SUCLG2: variants seen among roughly 807,000 people sequenced by gnomAD.
SUCLG2 encodes succinate--CoA ligase [GDP-forming] subunit beta, mitochondrial.
Under a neutral mutation model 47.9 loss-of-function variants are expected in SUCLG2, and 42 were observed. The observed-to-expected ratio is 0.88, with a 90% CI of 0.69 to 1.14. SUCLG2 has a LOEUF of 1.14. Ranked by LOEUF, SUCLG2 falls within the 50% of genes most tolerant of loss-of-function variation. SUCLG2 has a pLI of 0.00. For missense variants in SUCLG2, 571 were observed against 525.9 expected (o/e 1.09, Z -0.84); for synonymous variants, 195 against 197.3 (o/e 0.99, Z 0.10).
In SUCLG2 at chr3:67,642,565, C is replaced by T. The variant is rs879302999; in HGVS notation, c.84+11938G>A. The stretch of plus-strand genomic sequence containing the variant: ...TTCAAGGATGCAGTGAGCTGTTATA[C>T]GATCTTGCCACTGCACTCCAGCCTG... On this transcript the variant is annotated intron_variant, in intron 1 of 10. Transcript: ENST00000307227. Among the ~76,000 whole-genome samples the T allele has an allele frequency of 4.6e-5, 7 of 152,146 alleles. No individual in the cohort carries two copies. The East Asian group carries it at 5.8e-4, about 13-fold the overall frequency.
intron 2 of SUCLG2, among the ~76,000 whole-genome samples, chr3:67,573,949 C>G (rs1337178616): frequency 6.6e-6 from 1 of 152,170 alleles, no homozygotes; most frequent in Non-Finnish European, 1.5e-5. Flanking sequence ...TATGTAGCAT[C>G]TGTGTCATTG....
At chr3:67,493,927 T>C (rs1048777668) in intron 9 of SUCLG2, among the ~76,000 whole-genome samples, 3 of 152,234 alleles carry the variant, frequency 2.0e-5, no homozygotes, top group African/African-American at 7.2e-5. Flanking sequence ...TTTTTGCGAA[T>C]ACCTTCCTTA....
chr3:67,635,733 C>T (rs1376029), intron 1 of SUCLG2, among the ~76,000 whole-genome samples: 60,907 of 151,848 alleles, frequency 0.4, 13,085 homozygotes, highest in African/African-American at 0.55. Flanking sequence ...GGTTTTCTAC[C>T]GGAGTTTAGC....
chr3:67,444,121 C>T (rs1292353314), intron 9 of SUCLG2, among the ~76,000 whole-genome samples: 27 of 87,616 alleles, frequency 3.1e-4, no homozygotes, highest in Non-Finnish European at 5.8e-4. Context: ...GGGGGTCAGC[C>T]CCCCGCCTGG....
chr3:67,602,747 A>G (rs951106006), intron 2 of SUCLG2, among the ~76,000 whole-genome samples: 11 of 152,256 alleles, frequency 7.2e-5, no homozygotes, highest in Non-Finnish European at 1.3e-4. Context: ...GCAAGTGAAC[A>G]TTTTCTGAAT....
intron 10 of SUCLG2, among the ~76,000 whole-genome samples, chr3:67,399,784 A>T (rs574031732): frequency 1.3e-5 from 2 of 152,346 alleles, no homozygotes; most frequent in Admixed American, 1.3e-4. Context: ...GTTCATCGAG[A>T]TAGTTCCAGA....
chr3:67,545,226 A>T (rs1045194298), intron 2 of SUCLG2, among the ~76,000 whole-genome samples: 1 of 152,190 alleles, frequency 6.6e-6, no homozygotes, highest in Non-Finnish European at 1.5e-5. Context: ...AATGCTAGAG[A>T]TACAGAATTC....
In SUCLG2 at chr3:67,642,935, T is replaced by A. The variant is rs983950858; in HGVS notation, c.84+11568A>T. ...AAAGGACTCTGTGTGTGTGTGTGTG[T>A]GTGTGTGTGTGTGTGTGAGAGAGAT... On this transcript the variant is annotated intron_variant, in intron 1 of 10. Transcript: ENST00000307227. Among the ~76,000 whole-genome samples, 482 of 151,810 alleles carry A rather than the reference T, an allele frequency of 3.2e-3. 1 individual carries two copies. The highest frequency in any genetic ancestry group is 0.011 in the African/African-American group (442 of 41,380).
downstream of SUCLG2, among the ~76,000 whole-genome samples, chr3:67,372,217 T>G (rs761079399): frequency 4.6e-5 from 7 of 152,196 alleles, no homozygotes; most frequent in Non-Finnish European, 8.8e-5. Context: ...AAAGTTTTAC[T>G]GGACAATAGA....
At chr3:67,541,544 T>C (rs1411643344) in intron 2 of SUCLG2, among the ~76,000 whole-genome samples, 1 of 152,178 alleles carries the variant, frequency 6.6e-6, no homozygotes, top group African/African-American at 2.4e-5. Context: ...GTTTGATTGG[T>C]GTACCTGAAA....
intron 1 of SUCLG2, among the ~76,000 whole-genome samples, chr3:67,629,502 A>AG (rs34101788): frequency 2.2e-3 from 337 of 151,194 alleles, no homozygotes; most frequent in Non-Finnish European, 3.7e-3. Context: ...GATATGGGGG[A>AG]GGGGGGGGCG....
chr3:67,466,022 C>T lies in SUCLG2; in HGVS notation c.1062+29776G>A, dbSNP rs543171393. Among the ~76,000 whole-genome samples the T allele has an allele frequency of 4.6e-5, 7 of 152,250 alleles. No individual in the cohort carries two copies. In the South Asian group the frequency reaches 1.5e-3, roughly 32 times the overall value. On this transcript the variant is annotated intron_variant, in intron 9 of 10. Transcript: ENST00000307227. ...ACCAAGCAGTACTCTTTTAATGACACACACAGCCCTTACGTTGTATCTGCT... is the reference window on the plus strand; with the variant it reads ...ACCAAGCAGTACTCTTTTAATGACATACACAGCCCTTACGTTGTATCTGCT...
At chr3:67,374,654 G>T, downstream of SUCLG2, 1 of 628,402 alleles carries the variant, frequency 1.6e-6, no homozygotes, top group Non-Finnish European at 2.0e-6. Context: ...TAAGACTAGT[G>T]TCTTTGTAAA....
At chr3:67,619,240 T>A (rs1700687349) in intron 1 of SUCLG2, among the ~76,000 whole-genome samples, 1 of 152,206 alleles carries the variant, frequency 6.6e-6, no homozygotes, top group Non-Finnish European at 1.5e-5. Flanking sequence ...AACTGTGTTA[T>A]TCCACTTGGA....
chr3:67,592,400 T>C (rs910976961), intron 2 of SUCLG2, among the ~76,000 whole-genome samples: 1 of 152,152 alleles, frequency 6.6e-6, no homozygotes, highest in African/African-American at 2.4e-5. Flanking sequence ...AGGAAGAAGA[T>C]CTTATTGATA....
intron 2 of SUCLG2, among the ~76,000 whole-genome samples, chr3:67,600,416 T>G (rs1432083440): frequency 2.0e-5 from 3 of 152,220 alleles, no homozygotes; most frequent in Non-Finnish European, 4.4e-5. Context: ...TTTGTTGCCA[T>G]CTCAATCATT....
chr3:67,595,812 G>A (rs75961092), intron 2 of SUCLG2, among the ~76,000 whole-genome samples: 1 of 152,216 alleles, frequency 6.6e-6, no homozygotes, highest in Non-Finnish European at 1.5e-5. Flanking sequence ...TTCAGCCATT[G>A]TATTTTCTAC....
intron 1 of SUCLG2, among the ~76,000 whole-genome samples, chr3:67,640,716 C>T (rs948009969): frequency 2.0e-5 from 3 of 152,180 alleles, no homozygotes; most frequent in African/African-American, 7.2e-5. Context: ...TGCTATTACT[C>T]CTTTTTTTCT....
chr3:67,413,264 G>A (rs577363367), intron 9 of SUCLG2, among the ~76,000 whole-genome samples: 2 of 152,228 alleles, frequency 1.3e-5, no homozygotes, highest in African/African-American at 4.8e-5. Flanking sequence ...CACTAAAACG[G>A]CTTCATTCAG....
Sources: gnomAD v4.1 joint callset for allele counts (sites outside exome capture counted in the v4.1 genomes callset) on GRCh38, gnomAD v4.1.1 for gene constraint, MANE v1.5 for transcripts, NCBI Gene and HGNC (gene_info 2026-07-23, HGNC 2026-07-21) for gene names.